The following CAMTA1 variants were observed in gnomAD, a reference collection of about 807,000 sequenced individuals.
The protein encoded by CAMTA1 is calmodulin-binding transcription activator 1.
A neutral mutation model predicts 170.9 loss-of-function variants in CAMTA1; 27 were observed. The ratio of observed to expected loss-of-function variants is 0.16; its 90% CI spans 0.12 to 0.22. The LOEUF (loss-of-function observed/expected upper bound fraction) is 0.22, where lower values mean the gene tolerates loss of function less well. Among genes scored for constraint, CAMTA1 ranks in the 10% least tolerant of loss-of-function variants. The pLI, the probability that CAMTA1 is intolerant of heterozygous loss-of-function variation, is 1.00. For synonymous variants in CAMTA1, 833 were observed against 891.5 expected (o/e 0.93, Z 1.17); for missense variants, 1,619 against 2,217.2 (o/e 0.73, Z 5.42).
chr1:7,090,008 A>G (rs1415884409), intron 3 of CAMTA1, among the ~76,000 whole-genome samples: 1 of 152,020 alleles, frequency 6.6e-6, no homozygotes, highest in Non-Finnish European at 1.5e-5. Context: ...CAGTGAAGCA[A>G]CTCTATTTTT....
intron 6 of CAMTA1, among the ~76,000 whole-genome samples, chr1:7,499,054 G>A (rs1324600578): frequency 7.0e-6 from 1 of 142,980 alleles, no homozygotes; most frequent in East Asian, 2.1e-4. Context: ...GTGTGAGCCT[G>A]GTGTGCGTGT....
chr1:6,884,289 GAGACAC>G (rs1328258410), intron 3 of CAMTA1, among the ~76,000 whole-genome samples: 4 of 84,180 alleles, frequency 4.8e-5, no homozygotes, highest in Non-Finnish European at 7.6e-5. Context: ...TTATTCTCTA[GAGACAC>G]ACACACACAC....
At chr1:7,271,565 G>GAGATAGATAGATAGATAGAT (rs138661434) in intron 5 of CAMTA1, among the ~76,000 whole-genome samples, 18 of 142,862 alleles carry the variant, frequency 1.3e-4, no homozygotes, top group East Asian at 2.1e-4. Context: ...ACTGAGAAAA[G>GAGATAGATAGATAGATAGAT]AGATAGATAG....
intron 6 of CAMTA1, among the ~76,000 whole-genome samples, chr1:7,507,530 A>C (rs2094138576): frequency 6.6e-6 from 1 of 152,178 alleles, no homozygotes; most frequent in Admixed American, 6.5e-5. Context: ...CAGGCCCTTT[A>C]TTACCTCGTG....
At chr1:7,371,319 G>A (rs1311696168) in intron 5 of CAMTA1, among the ~76,000 whole-genome samples, 2 of 150,016 alleles carry the variant, frequency 1.3e-5, no homozygotes, top group Non-Finnish European at 3.0e-5. Flanking sequence ...GTGCAGTGGC[G>A]TATCTCGGCT....
At chr1:6,917,738 A>C (rs959297053) in intron 3 of CAMTA1, among the ~76,000 whole-genome samples, 15 of 149,072 alleles carry the variant, frequency 1.0e-4, no homozygotes, top group African/African-American at 3.5e-4. Context: ...CAGGAAATAC[A>C]GATTTGGGAG....
At chr1:6,982,738 C>A (rs571195525) in intron 3 of CAMTA1, among the ~76,000 whole-genome samples, 115 of 152,252 alleles carry the variant, frequency 7.6e-4, no homozygotes, top group Middle Eastern at 3.4e-3. Context: ...GGCTGCCTCC[C>A]CCTTCACTCC....
intron 5 of CAMTA1, among the ~76,000 whole-genome samples, chr1:7,281,170 A>G (rs1671454344): frequency 6.6e-6 from 1 of 152,224 alleles, no homozygotes; most frequent in Admixed American, 6.5e-5. Context: ...CAGAAATTAT[A>G]TTAAAGACAT....
chr1:6,938,875 G>A, intron 3 of CAMTA1, among the ~76,000 whole-genome samples: 1 of 152,218 alleles, frequency 6.6e-6, no homozygotes, highest in Non-Finnish European at 1.5e-5. Flanking sequence ...GTGGCCACCA[G>A]AAGATGGAGA....
rs145887871 is a variant in CAMTA1 at position 7,708,031 on chromosome 1, TAGTA to T, written c.2915-24413_2915-24410del. The stretch of plus-strand genomic sequence containing the variant: ...AAACCATGATATGATACCTTGTGAA[TAGTA>T]AGTTTAAAAATACGGCCAGGTGTGG... On this transcript the variant is annotated intron_variant, in intron 11 of 22. Coordinates refer to ENST00000303635, the MANE Select transcript of CAMTA1 (RefSeq NM_015215.4). Among the ~76,000 whole-genome samples, 806 of 152,256 alleles carry T rather than the reference TAGTA, an allele frequency of 5.3e-3. 8 individuals are homozygous for T. Among genetic ancestry groups the T allele is most frequent in the African/African-American group, 0.019 (770 of 41,548 alleles).
chr1:6,825,159 G>T lies in CAMTA1; in HGVS notation c.183G>T (p.Leu61=), dbSNP rs769016348. The T allele has an allele frequency of 2.5e-6, 4 of 1,611,562 alleles. No individual in the cohort carries two copies. The African/African-American group carries it at 4.0e-5, about 16-fold the overall frequency. ...TACCGAAAAAGCTGCTTGAATGTCT[G>T]CCGAAATGTTCAAGTTTACCAAAAG... ...IFLPKKLLEC[L]PKCSSLPKER... The change falls in exon 3 of 23, where the codon CTG becomes CTT. Residue 61 remains leucine, a synonymous_variant. Coordinates refer to ENST00000303635, the MANE Select transcript of CAMTA1 (RefSeq NM_015215.4).
At chr1:7,047,719 C>CTG (rs1705621906) in intron 3 of CAMTA1, among the ~76,000 whole-genome samples, 1 of 138,478 alleles carries the variant, frequency 7.2e-6, no homozygotes, top group African/African-American at 3.3e-5. Flanking sequence ...CTCTCTCTCT[C>CTG]TCTTTTTTTT....
chr1:7,160,875 C>T lies in CAMTA1; in HGVS notation c.302+69504C>T, dbSNP rs556916915. Among the ~76,000 whole-genome samples the T allele has an allele frequency of 9.3e-4, 142 of 152,244 alleles. 2 individuals are homozygous for T. Among genetic ancestry groups the T allele is most frequent in the Middle Eastern group, 3.4e-3 (1 of 294 alleles). ...GTATATGGTACCATCCATTTGAGTT[C>T]TCCTCCCTGCTCCAATCAGTCAGTT... On this transcript the variant is annotated intron_variant, in intron 4 of 22. Coordinates refer to ENST00000303635, the MANE Select transcript of CAMTA1 (RefSeq NM_015215.4).
chr1:7,402,547 A>G (rs2089981326), intron 5 of CAMTA1, among the ~76,000 whole-genome samples: 1 of 152,212 alleles, frequency 6.6e-6, no homozygotes, highest in Non-Finnish European at 1.5e-5. Context: ...CATAGGGCCC[A>G]TTATATGCTG....
At chr1:7,434,263 T>A (rs1392885725) in intron 5 of CAMTA1, among the ~76,000 whole-genome samples, 1 of 152,168 alleles carries the variant, frequency 6.6e-6, no homozygotes, top group African/African-American at 2.4e-5. Flanking sequence ...CCTCACCCTG[T>A]GCAAAAAATT....
At chr1:7,506,027 A>T (rs1048498879) in intron 6 of CAMTA1, among the ~76,000 whole-genome samples, 2 of 152,152 alleles carry the variant, frequency 1.3e-5, no homozygotes, top group Admixed American at 1.3e-4. Context: ...AGAGCTCTTC[A>T]CATCAGTGAT....
chr1:7,163,535 G>A (rs1398377637), intron 4 of CAMTA1, among the ~76,000 whole-genome samples: 1 of 152,228 alleles, frequency 6.6e-6, no homozygotes, highest in African/African-American at 2.4e-5. Context: ...GGGAACTGGG[G>A]TTTTGATGGA....
At position 7,242,769 on chromosome 1, in the gene CAMTA1, A is replaced by AT. The variant is rs1469626455; in HGVS notation, c.303-6721dup. Among the ~76,000 whole-genome samples, 435 of 145,408 alleles carry AT rather than the reference A, an allele frequency of 3.0e-3. 1 individual carries two copies. Among genetic ancestry groups the AT allele is most frequent in the African/African-American group, 0.011 (423 of 39,208 alleles). On this transcript the variant is annotated intron_variant, in intron 4 of 22. Coordinates refer to ENST00000303635, the MANE Select transcript of CAMTA1 (RefSeq NM_015215.4). ...CAGTGAAACCCCGTCTCTACTGAAA[A>AT]TAAAATAAATAAATAAATAAATAAA...
intron 3 of CAMTA1, among the ~76,000 whole-genome samples, chr1:6,975,352 A>G (rs946783624): frequency 6.6e-6 from 1 of 152,116 alleles, no homozygotes; most frequent in African/African-American, 2.4e-5. Context: ...ACTGCATGCA[A>G]ATTGTCCTGT....
Sources: gnomAD v4.1 joint callset for allele counts (sites outside exome capture counted in the v4.1 genomes callset) on GRCh38, gnomAD v4.1.1 for gene constraint, MANE v1.5 for transcripts, NCBI Gene and HGNC (gene_info 2026-07-23, HGNC 2026-07-21) for gene names.